Variants in FBXL7 observed in about 807,000 individuals in gnomAD.
The protein encoded by FBXL7 is F-box and leucine rich repeat protein 7, also known as F-box/LRR-repeat protein 7.
A neutral mutation model predicts 38.3 loss-of-function variants in FBXL7; 12 were observed. That is an observed-to-expected ratio of 0.31 (90% CI 0.20 to 0.51). The LOEUF (loss-of-function observed/expected upper bound fraction) is 0.51. Among genes scored for constraint, FBXL7 ranks in the 20% least tolerant of loss-of-function variants. The pLI, the probability that FBXL7 is intolerant of heterozygous loss-of-function variation, is 0.98. For missense variants in FBXL7, 567 were observed against 676.4 expected, an observed-to-expected ratio of 0.84 and a Z score of 1.79; for synonymous variants, 297 against 300.9, an observed-to-expected ratio of 0.99 and a Z score of 0.13.
At chr5:15,683,530 T>G (rs1286538926) in intron 2 of FBXL7, among the ~76,000 whole-genome samples, 1 of 152,202 alleles carries the variant, frequency 6.6e-6, no homozygotes, top group Non-Finnish European at 1.5e-5. Flanking sequence ...ATAAACCATG[T>G]ATTCTGGGAC....
intron 1 of FBXL7, among the ~76,000 whole-genome samples, chr5:15,579,159 A>G (rs938976813): frequency 6.6e-6 from 1 of 152,172 alleles, no homozygotes; most frequent in Non-Finnish European, 1.5e-5. Context: ...AAGGTAAGGG[A>G]GGAAAGCGGT....
intron 1 of FBXL7, among the ~76,000 whole-genome samples, chr5:15,529,864 A>G (rs74926639): frequency 0.024 from 3,582 of 152,308 alleles, 48 homozygotes; most frequent in Middle Eastern, 0.034. Flanking sequence ...TACAACATCC[A>G]TATCCCCTGC....
At chr5:15,584,637 T>G (rs1047094440) in intron 1 of FBXL7, among the ~76,000 whole-genome samples, 3 of 152,234 alleles carry the variant, frequency 2.0e-5, no homozygotes, top group African/African-American at 7.2e-5. Flanking sequence ...TCTTTCTCTT[T>G]CTGGGCTCTC....
At position 15,788,105 on chromosome 5, in the gene FBXL7, C is replaced by T. The variant is rs532574578; in HGVS notation, c.128-139785C>T. Among the ~76,000 whole-genome samples the T allele has an allele frequency of 1.3e-4, 20 of 152,276 alleles. No individual in the cohort carries two copies. The South Asian group carries it at 3.7e-3, about 28-fold the overall frequency. ...GTCTCTGTCTGCACATGGCCTTCTT[C>T]CCGGTGTGTCTCTGTGTCCTCTCCT... On this transcript the variant is annotated intron_variant, in intron 2 of 3. Coordinates refer to ENST00000504595, the MANE Select transcript of FBXL7 (RefSeq NM_012304.5).
Position 15,720,657 on chromosome 5 carries a change from TTTC to T in FBXL7, c.127+104590_127+104592del, listed in dbSNP as rs1413530952. Among the ~76,000 whole-genome samples, 6 of 148,594 alleles carry T rather than the reference TTTC, an allele frequency of 4.0e-5. 1 individual carries two copies. The highest frequency in any genetic ancestry group is 9.0e-5 in the Non-Finnish European group (6 of 66,546). On this transcript the variant is annotated intron_variant, in intron 2 of 3. Transcript: ENST00000504595. ...TCTGAAATATGTTGGCCAATAATTA[TTTC>T]TTCTAATATGGCCCACATATTAGAA...
In FBXL7 at chr5:15,927,977, G is replaced by T. The variant is rs1420442178; in HGVS notation, c.215G>T (p.Gly72Val). ...PNLPGFQNGR[G>V]SSTSSSSITG... is the part of the protein sequence containing the mutation. ...CTCCCAGGATTTCAGAATGGAAGGG[G>T]CTCGTCCACCTCCTCGTCCTCCATC... Residue 72 changes from glycine to valine, a missense_variant, in exon 3 of 4, where the codon GGC becomes GTC. Gly to Val is a moderately radical substitution (Grantham distance 109). Transcript: ENST00000504595. The T allele has an allele frequency of 1.2e-5, 19 of 1,590,296 alleles. No homozygotes were observed. Among genetic ancestry groups the T allele is most frequent in the Non-Finnish European group, 1.6e-5 (19 of 1,166,384 alleles).
intron 2 of FBXL7, among the ~76,000 whole-genome samples, chr5:15,681,104 G>A (rs1742830253): frequency 6.6e-6 from 1 of 152,182 alleles, no homozygotes; most frequent in South Asian, 2.1e-4. Flanking sequence ...TGTAGAACAT[G>A]ACAGATCTGG....
chr5:15,555,824 T>TAGATAGATA (rs113432842), intron 1 of FBXL7, among the ~76,000 whole-genome samples: 1 of 150,400 alleles, frequency 6.6e-6, no homozygotes, highest in South Asian at 2.1e-4. Context: ...GATAGATAGG[T>TAGATAGATA]GATAGATGAA....
At chr5:15,643,593 A>G (rs948612883) in intron 2 of FBXL7, among the ~76,000 whole-genome samples, 8 of 152,112 alleles carry the variant, frequency 5.3e-5, no homozygotes, top group African/African-American at 1.9e-4. Flanking sequence ...TTGAAATGTT[A>G]AGTGTGGAAC....
At chr5:15,540,462 A>C (rs1323233983) in intron 1 of FBXL7, among the ~76,000 whole-genome samples, 1 of 152,082 alleles carries the variant, frequency 6.6e-6, no homozygotes, top group Non-Finnish European at 1.5e-5. Context: ...CTTGTCCCCC[A>C]TCTCCTACCA....
chr5:15,645,677 G>T (rs1561067359), intron 2 of FBXL7, among the ~76,000 whole-genome samples: 1 of 152,048 alleles, frequency 6.6e-6, no homozygotes, highest in African/African-American at 2.4e-5. Flanking sequence ...AAATTTTCTG[G>T]GTTTACAGGA....
chr5:15,624,862 C>T (rs928048640), intron 2 of FBXL7, among the ~76,000 whole-genome samples: 2 of 147,800 alleles, frequency 1.4e-5, no homozygotes, highest in African/African-American at 5.0e-5. Flanking sequence ...CTGTGAGGTA[C>T]ATGTTTGTTT....
At chr5:15,694,810 A>C (rs543791608) in intron 2 of FBXL7, among the ~76,000 whole-genome samples, 1 of 152,290 alleles carries the variant, frequency 6.6e-6, no homozygotes, top group South Asian at 2.1e-4. Flanking sequence ...AGCTAAAGGG[A>C]ACAAAAAAAA....
chr5:15,563,904 TC>T (rs1738486135), intron 1 of FBXL7, among the ~76,000 whole-genome samples: 3 of 150,356 alleles, frequency 2.0e-5, no homozygotes, highest in African/African-American at 7.4e-5. Context: ...TCTAAATATT[TC>T]AAAAAAAAAT....
At chr5:15,679,262 T>C (rs1397015581) in intron 2 of FBXL7, among the ~76,000 whole-genome samples, 3 of 152,196 alleles carry the variant, frequency 2.0e-5, no homozygotes, top group Non-Finnish European at 2.9e-5. Context: ...CAATCCTCCC[T>C]GAAAGACAAG....
At chr5:15,912,677 T>C (rs1018449036) in intron 2 of FBXL7, among the ~76,000 whole-genome samples, 1 of 151,926 alleles carries the variant, frequency 6.6e-6, no homozygotes, top group Non-Finnish European at 1.5e-5. Context: ...AAAAGAAGTA[T>C]GACAAGTTCT....
chr5:15,892,919 C>T (rs1412744243), intron 2 of FBXL7, among the ~76,000 whole-genome samples: 2 of 152,094 alleles, frequency 1.3e-5, no homozygotes, highest in African/African-American at 4.8e-5. Flanking sequence ...AGATCGAGAC[C>T]ATCCTGGCTA....
At chr5:15,933,176 A>T (rs746812152) in intron 3 of FBXL7, among the ~76,000 whole-genome samples, 7 of 152,202 alleles carry the variant, frequency 4.6e-5, no homozygotes, top group African/African-American at 7.2e-5. Flanking sequence ...GCAAATCTAT[A>T]AGAGTTTGGG....
intron 1 of FBXL7, among the ~76,000 whole-genome samples, chr5:15,556,441 A>G (rs1580369139): frequency 6.6e-6 from 1 of 152,152 alleles, no homozygotes; most frequent in African/African-American, 2.4e-5. Flanking sequence ...TCAGTCACCA[A>G]TTCAAATGCT....
Sources: gnomAD v4.1 joint callset for allele counts (sites outside exome capture counted in the v4.1 genomes callset) on GRCh38, gnomAD v4.1.1 for gene constraint, MANE v1.5 for transcripts, NCBI Gene and HGNC (gene_info 2026-07-23, HGNC 2026-07-21) for gene names.